PAX3: variants seen among roughly 807,000 people sequenced by gnomAD.
PAX3 encodes the protein paired box protein Pax-3.
A neutral mutation model predicts 51.6 loss-of-function variants in PAX3; 14 were observed. The ratio of observed to expected loss-of-function variants is 0.27; its 90% CI spans 0.18 to 0.42. The LOEUF is 0.42. PAX3 is among the 10% of genes least tolerant of loss of function. PAX3 has a pLI of 1.00. For synonymous variants in PAX3, 280 were observed against 253.4 expected (o/e 1.11, Z -1.00); for missense variants, 540 against 642.8 (o/e 0.84, Z 1.73).
intron 4 of PAX3, among the ~76,000 whole-genome samples, chr2:222,290,135 C>G (rs1343020688): frequency 6.6e-6 from 1 of 152,196 alleles, no homozygotes; most frequent in Non-Finnish European, 1.5e-5. Context: ...TCCTTGATTT[C>G]AGCAGTCCCT....
At chr2:222,226,386 G>C (rs897356932) in intron 5 of PAX3, among the ~76,000 whole-genome samples, 9 of 152,078 alleles carry the variant, frequency 5.9e-5, no homozygotes, top group South Asian at 2.1e-4. Flanking sequence ...ACCATTTGGA[G>C]AGCAGGTTGG....
At chr2:222,293,889 A>G (rs567447996) in intron 4 of PAX3, 1 of 1,600,314 alleles carries the variant, frequency 6.2e-7, no homozygotes, top group African/African-American at 1.3e-5. Flanking sequence ...GCCCCCTACA[A>G]CAGAGCACAA....
At chr2:222,290,787 TGGA>T (rs1244318205) in intron 4 of PAX3, among the ~76,000 whole-genome samples, 8 of 144,150 alleles carry the variant, frequency 5.5e-5, no homozygotes, top group Non-Finnish European at 1.1e-4. Context: ...GAAGGAGGGG[TGGA>T]GGAGGAGGAG....
intron 4 of PAX3, among the ~76,000 whole-genome samples, chr2:222,258,004 T>G (rs1693711914): frequency 6.6e-6 from 1 of 152,220 alleles, no homozygotes; most frequent in South Asian, 2.1e-4. Flanking sequence ...AAGAGGAATA[T>G]TCTATTCAAG....
chr2:222,223,473 C>T (rs1174216285), intron 5 of PAX3, among the ~76,000 whole-genome samples: 2 of 152,202 alleles, frequency 1.3e-5, no homozygotes, highest in Non-Finnish European at 2.9e-5. Context: ...GTTACCACGG[C>T]TCCCAAAGGC....
chr2:222,294,764 C>CG (rs963452112), intron 3 of PAX3, among the ~76,000 whole-genome samples: 1 of 118,278 alleles, frequency 8.5e-6, no homozygotes, highest in African/African-American at 3.1e-5. Context: ...CCGCGCCCCC[C>CG]CCCACCCCCC....
chr2:222,282,887 G>C (rs1053084708), intron 4 of PAX3, among the ~76,000 whole-genome samples: 4 of 152,218 alleles, frequency 2.6e-5, no homozygotes, highest in South Asian at 4.1e-4. Context: ...ACAACTCTAA[G>C]CAGTAATTTT....
intron 5 of PAX3, among the ~76,000 whole-genome samples, chr2:222,229,749 T>A (rs1288858610): frequency 6.6e-6 from 1 of 152,068 alleles, no homozygotes; most frequent in Non-Finnish European, 1.5e-5. Flanking sequence ...ATGACTAGAG[T>A]GAAAAAGAAA....
At position 222,297,195 on chromosome 2, in the gene PAX3, T is replaced by A; in HGVS notation, c.104A>T (p.Gln35Leu). The change falls in exon 2 of 9, where the codon CAG becomes CTG. Residue 35 changes from glutamine to leucine, a missense_variant. Around this residue, in one of 3 missense-constraint regions of PAX3, gnomAD observed 63 missense variants for 49.9 expected, o/e 1.26. Transcript: ENST00000392070. ...FPLEVSTPLG[Q>L]GRVNQLGGVF... Reference sequence around the variant, plus strand: ...ACCGCCGAGCTGGTTGACGCGGCCCTGGCCGAGGGGAGTGGACACTGTGGG... The same window carrying A: ...ACCGCCGAGCTGGTTGACGCGGCCCAGGCCGAGGGGAGTGGACACTGTGGG... 1 of 1,586,434 alleles carries A rather than the reference T, an allele frequency of 6.3e-7. No homozygotes were observed. The highest frequency in any genetic ancestry group is 8.6e-7 in the Non-Finnish European group (1 of 1,166,338).
At position 222,297,005 on chromosome 2, in the gene PAX3, A is replaced by G. The variant is rs1223847060; in HGVS notation, c.294T>C (p.Pro98=). The change falls in exon 2 of 9, where the codon CCT becomes CCC. Residue 98 remains proline (P), a synonymous_variant. Coordinates refer to ENST00000392070, the MANE Select transcript of PAX3 (RefSeq NM_181458.4). ...TGGGCTTGCTGCCGCCGATGGCACC[A>G]GGACGTATGGAGCCAGTCTCCTGGT... ...CRYQETGSIR[P]GAIGGSKPKQ... The G allele has an allele frequency of 1.9e-6, 3 of 1,613,752 alleles. No homozygotes were observed. The highest frequency in any genetic ancestry group is 2.2e-5 in the South Asian group (2 of 91,030).
chr2:222,249,978 T>C (rs1693365515), intron 4 of PAX3, among the ~76,000 whole-genome samples: 3 of 152,154 alleles, frequency 2.0e-5, no homozygotes, highest in Admixed American at 2.0e-4. Flanking sequence ...CAACCTACCT[T>C]GACTTATGAG....
At chr2:222,297,351 G>A in intron 1 of PAX3, 138 bp from the exon 2 acceptor site, 4 of 718,188 alleles carry the variant, frequency 5.6e-6, no homozygotes, top group Non-Finnish European at 7.6e-6. Flanking sequence ...CTCGACATCG[G>A]ACTCCCAGAC....
intron 7 of PAX3, among the ~76,000 whole-genome samples, chr2:222,207,672 C>T (rs569842466): frequency 6.2e-4 from 95 of 152,220 alleles, no homozygotes; most frequent in African/African-American, 2.2e-3. Context: ...TGACCAATCA[C>T]AGAGATAGCT....
chr2:222,293,995 C>T, intron 4 of PAX3, 172 bp downstream of exon 4: 1 of 1,534,628 alleles, frequency 6.5e-7, no homozygotes, highest in Non-Finnish European at 8.7e-7. Flanking sequence ...TGTTTTGATT[C>T]CTAGTGTCCC....
chr2:222,220,299 A>C lies in PAX3; in HGVS notation c.1014T>G (p.Thr338=), dbSNP rs1360234237. 1 of 1,613,984 alleles carries C rather than the reference A, an allele frequency of 6.2e-7. No homozygotes were observed. Among genetic ancestry groups the C allele is most frequent in the Non-Finnish European group, 8.5e-7 (1 of 1,179,976 alleles). The change falls in exon 7 of 9, where the codon ACT becomes ACG. Residue 338 remains threonine, a synonymous_variant. Transcript: ENST00000392070. ...VHRPQPLPPS[T]VHQSTIPSNP... ...TGGAAGGAATCGTGCTTTGGTGTAC[A>C]GTGCTTGGAGGAAGCGGTTGAGGTC...
chr2:222,245,238 G>A (rs1170434349), intron 4 of PAX3, among the ~76,000 whole-genome samples: 1 of 152,164 alleles, frequency 6.6e-6, no homozygotes, highest in African/African-American at 2.4e-5. Context: ...GCCTAAACAG[G>A]AAGGCCAAGC....
chr2:222,215,586 A>G (rs910818726), intron 7 of PAX3, among the ~76,000 whole-genome samples: 2 of 152,090 alleles, frequency 1.3e-5, no homozygotes, highest in African/African-American at 4.8e-5. Context: ...GGGAACAGTC[A>G]GGGTAGTATT....
chr2:222,295,433 G>C, intron 3 of PAX3, 95 bp downstream of exon 3: 1 of 1,456,602 alleles, frequency 6.9e-7, no homozygotes, highest in Non-Finnish European at 9.6e-7. Flanking sequence ...CCCAATAGCT[G>C]AGATCGATAA....
intron 7 of PAX3, among the ~76,000 whole-genome samples, chr2:222,212,201 T>C (rs898809446): frequency 6.6e-6 from 1 of 152,190 alleles, no homozygotes; most frequent in African/African-American, 2.4e-5. Context: ...ACAGCAGGTA[T>C]TTTGAAATCT....
Sources: gnomAD v4.1 joint callset for allele counts (sites outside exome capture counted in the v4.1 genomes callset) on GRCh38, gnomAD v4.1.1 for gene constraint, gnomAD v4.1.1 regional missense constraint, MANE v1.5 for transcripts, NCBI Gene and HGNC (gene_info 2026-07-23, HGNC 2026-07-21) for gene names.